VPS13B: variants seen among roughly 807,000 people sequenced by gnomAD.
VPS13B encodes the protein intermembrane lipid transfer protein VPS13B.
VPS13B carries 285 observed loss-of-function variants against 426.4 expected under a neutral mutation model. That is an observed-to-expected ratio of 0.67 (90% confidence interval 0.61 to 0.74). VPS13B has a LOEUF of 0.74. Among genes scored for constraint, VPS13B ranks in the 30% least tolerant of loss-of-function variants. VPS13B has a pLI of 0.00. For synonymous variants in VPS13B, 1,676 were observed against 1,676.4 expected (o/e 1.00, Z 0.01); for missense variants, 4,537 against 4,782.6 (o/e 0.95, Z 1.51).
At chr8:99,324,695 A>G (rs1426808814) in intron 19 of VPS13B, among the ~76,000 whole-genome samples, 1 of 152,204 alleles carries the variant, frequency 6.6e-6, no homozygotes, top group African/African-American at 2.4e-5. Flanking sequence ...TATGTTTTCA[A>G]CATTTTTGTT....
intron 21 of VPS13B, among the ~76,000 whole-genome samples, chr8:99,412,803 TC>T (rs1233591518): frequency 6.6e-6 from 1 of 152,112 alleles, no homozygotes; most frequent in Non-Finnish European, 1.5e-5. Context: ...TTTATTGAAG[TC>T]CTTTGCTGCA....
chr8:99,633,679 A>G (rs964308661), intron 33 of VPS13B, among the ~76,000 whole-genome samples: 7 of 152,046 alleles, frequency 4.6e-5, no homozygotes, highest in Admixed American at 1.3e-4. Flanking sequence ...CAGTCTGAAG[A>G]GTAGTTACCC....
intron 13 of VPS13B, among the ~76,000 whole-genome samples, chr8:99,146,919 A>G (rs1809137117): frequency 6.6e-6 from 1 of 152,052 alleles, no homozygotes; most frequent in Non-Finnish European, 1.5e-5. Context: ...TTCTCATGGA[A>G]AAGTCCAAGT....
chr8:99,358,127 G>A (rs186040776), intron 19 of VPS13B, among the ~76,000 whole-genome samples: 6 of 152,212 alleles, frequency 3.9e-5, no homozygotes, highest in South Asian at 2.1e-4. Context: ...GCTCCTCTGC[G>A]TCCATCCCTC....
Position 99,819,602 on chromosome 8 carries a change from T to G in VPS13B, c.8792+20T>G. 1 of 1,611,118 alleles carries G rather than the reference T, an allele frequency of 6.2e-7. No homozygotes were observed. Among genetic ancestry groups the G allele is most frequent in the African/African-American group, 1.3e-5 (1 of 74,980 alleles). ...TGACAGGTAATATTCTTCAGTGATCTTTTTCTACAAAAATTTCTCAACATT... is the reference window on the plus strand; with the variant it reads ...TGACAGGTAATATTCTTCAGTGATCGTTTTCTACAAAAATTTCTCAACATT... On this transcript the variant is annotated intron_variant, in intron 48 of 61. Transcript: ENST00000357162.
At chr8:99,336,059 C>A (rs1240773030) in intron 19 of VPS13B, among the ~76,000 whole-genome samples, 4 of 152,152 alleles carry the variant, frequency 2.6e-5, no homozygotes, top group Non-Finnish European at 4.4e-5. Context: ...ATCGCCAAGT[C>A]AATCCTAAGC....
Position 99,334,809 on chromosome 8 carries a change from C to CA in VPS13B, c.2825-49399_2825-49398insA, listed in dbSNP as rs1588262429. On this transcript the variant is annotated intron_variant, in intron 19 of 61. Transcript: ENST00000357162. ...ATCAATGTTCATCAAGGATATTGGT[C>CA]TAAAATTCTCTTTTTTGGTTGTGTC... Among the ~76,000 whole-genome samples the CA allele has an allele frequency of 2.6e-5, 4 of 152,196 alleles. No homozygotes were observed. In the East Asian group the frequency reaches 5.8e-4, roughly 22 times the overall value.
chr8:99,380,876 C>CTT (rs796801783), intron 19 of VPS13B, among the ~76,000 whole-genome samples: 67 of 132,266 alleles, frequency 5.1e-4, no homozygotes, highest in African/African-American at 1.8e-3. Flanking sequence ...CTTTTTCTTT[C>CTT]TTTTTTTTTT....
At chr8:99,430,467 A>G (rs566199783) in intron 21 of VPS13B, among the ~76,000 whole-genome samples, 194 of 152,330 alleles carry the variant, frequency 1.3e-3, no homozygotes, top group African/African-American at 4.4e-3. Context: ...TATTATATAA[A>G]TGTATCCAGT....
chr8:99,345,181 G>A (rs1310081154), intron 19 of VPS13B, among the ~76,000 whole-genome samples: 1 of 152,128 alleles, frequency 6.6e-6, no homozygotes, highest in Non-Finnish European at 1.5e-5. Context: ...ACTATAGTAT[G>A]CTAGGTATGC....
intron 43 of VPS13B, among the ~76,000 whole-genome samples, chr8:99,794,626 C>T (rs1359247560): frequency 6.6e-6 from 1 of 152,200 alleles, no homozygotes; most frequent in African/African-American, 2.4e-5. Flanking sequence ...TTTTCCCAGC[C>T]TGCTTTCTGC....
chr8:99,372,657 G>A (rs3103700), intron 19 of VPS13B, among the ~76,000 whole-genome samples: 26,446 of 152,152 alleles, frequency 0.17, 2,818 homozygotes, highest in East Asian at 0.38. Flanking sequence ...TAAAAAGTCA[G>A]GAAACAACAG....
intron 21 of VPS13B, among the ~76,000 whole-genome samples, chr8:99,411,178 C>G (rs1216379064): frequency 6.6e-6 from 1 of 152,182 alleles, no homozygotes; most frequent in Non-Finnish European, 1.5e-5. Flanking sequence ...GCACTCCCAT[C>G]AATGGTGTAA....
intron 17 of VPS13B, among the ~76,000 whole-genome samples, chr8:99,203,845 C>T (rs1814509148): frequency 6.6e-6 from 1 of 152,098 alleles, no homozygotes; most frequent in South Asian, 2.1e-4. Flanking sequence ...AACCACTGCT[C>T]AGGGAAATAA....
chr8:99,695,488 A>G (rs1022679951), intron 35 of VPS13B, among the ~76,000 whole-genome samples: 3 of 141,056 alleles, frequency 2.1e-5, no homozygotes, highest in Non-Finnish European at 3.1e-5. Context: ...CATAGGTGGG[A>G]ATTGAACAAT....
intron 43 of VPS13B, among the ~76,000 whole-genome samples, chr8:99,792,768 C>A (rs1812615164): frequency 6.6e-6 from 1 of 152,174 alleles, no homozygotes; most frequent in Non-Finnish European, 1.5e-5. Flanking sequence ...CAGCCAACTG[C>A]AGCTCATTTG....
chr8:99,832,284 A>G, intron 51 of VPS13B, 85 bp from the exon 52 acceptor site: 1 of 1,429,858 alleles, frequency 7.0e-7, no homozygotes, highest in Admixed American at 2.6e-5. Flanking sequence ...AAAGAAAAGA[A>G]GATATGCTTT....
Position 99,481,674 on chromosome 8 carries a change from C to G in VPS13B, c.3742C>G (p.Leu1248Val), listed in dbSNP as rs562686924. 30 of 1,614,002 alleles carry G rather than the reference C, an allele frequency of 1.9e-5. 1 individual carries two copies. In the South Asian group the frequency reaches 3.2e-4, roughly 17 times the overall value. The part of the protein sequence containing the change: ...NKIQKRGNLN[L>V]SPTSPETMAG... ...GATTCAGAAGAGAGGCAATCTCAAC[C>G]TATCTCCAACCTCTCCAGAGACCAT... The change falls in exon 25 of 62, where the codon CTA becomes GTA. Residue 1248 changes from leucine to valine, a missense_variant. Around this residue, in one of 2 missense-constraint regions of VPS13B, gnomAD observed 4,311 missense variants for 4,474.3 expected, o/e 0.96. Transcript: ENST00000357162.
At chr8:99,245,585 G>A (rs1023543538) in intron 17 of VPS13B, among the ~76,000 whole-genome samples, 1 of 152,148 alleles carries the variant, frequency 6.6e-6, no homozygotes, top group Non-Finnish European at 1.5e-5. Flanking sequence ...TATCAAGACA[G>A]AGTCTTGCTC....
Sources: allele counts gnomAD v4.1 joint callset (sites outside exome capture counted in the v4.1 genomes callset), GRCh38; gene constraint gnomAD v4.1.1; regional missense constraint gnomAD v4.1.1; transcripts MANE v1.5; gene names NCBI Gene and HGNC (gene_info 2026-07-23, HGNC 2026-07-21).